Variants in THSD1 observed in about 807,000 individuals in gnomAD.
The protein encoded by THSD1 is thrombospondin type 1 domain containing 1.
THSD1 carries 34 observed loss-of-function variants against 46.3 expected under a neutral mutation model. The observed-to-expected ratio is 0.74, with a 90% confidence interval of 0.56 to 0.98. The LOEUF is 0.98. THSD1 is among the 50% of genes least tolerant of loss of function. The probability of loss-of-function intolerance (pLI) is 0.00; values close to 1 mark genes in which losing one functional copy is unlikely to be tolerated. For missense variants in THSD1, 1,023 were observed against 1,058.3 expected, an observed-to-expected ratio of 0.97 and a Z score of 0.46; for synonymous variants, 407 against 416.5, an observed-to-expected ratio of 0.98 and a Z score of 0.28.
At chr13:52,391,358 C>T (rs1378001062) in intron 3 of THSD1, among the ~76,000 whole-genome samples, 1 of 151,550 alleles carries the variant, frequency 6.6e-6, no homozygotes, top group Non-Finnish European at 1.5e-5. Context: ...GCTGGTACTA[C>T]AGGTGCATGG....
Position 52,378,620 on chromosome 13 carries a change from T to C in THSD1, c.1350A>G (p.Arg450=). ...GRPAKCSTPA[R]HNSIHSPSFR... ...AGCTGGGGGAGTGGATGGAGTTGTG[T>C]CGAGCAGGTGTGCTGCACTTGGCTG... Residue 450 remains arginine, a synonymous_variant, in exon 5 of 5, where the codon CGA becomes CGG. Coordinates refer to ENST00000258613, the MANE Select transcript of THSD1 (RefSeq NM_018676.4). 6.2e-7 allele frequency: 1 copy of C among 1,614,062 alleles called. No homozygotes were observed. Among genetic ancestry groups the C allele is most frequent in the Non-Finnish European group, 8.5e-7 (1 of 1,180,020 alleles).
intron 2 of THSD1, among the ~76,000 whole-genome samples, chr13:52,401,482 G>A (rs1237758899): frequency 6.6e-6 from 1 of 151,572 alleles, no homozygotes; most frequent in Non-Finnish European, 1.5e-5. Context: ...TGTATTTTTA[G>A]TAGAGATGGG....
chr13:52,380,072 T>C (rs982330415), intron 4 of THSD1, among the ~76,000 whole-genome samples: 2 of 152,134 alleles, frequency 1.3e-5, no homozygotes, highest in Non-Finnish European at 2.9e-5. Context: ...CTCCCCTTCC[T>C]ACCTTCCATT....
intron 2 of THSD1, among the ~76,000 whole-genome samples, chr13:52,399,782 T>C (rs1009678514): frequency 2.0e-5 from 3 of 152,136 alleles, no homozygotes; most frequent in African/African-American, 7.2e-5. Context: ...TTGAGGAAGG[T>C]GGCTGATTCT....
chr13:52,405,660 C>G lies in THSD1; in HGVS notation c.-82+371G>C, dbSNP rs193078206. On this transcript the variant is annotated intron_variant, in intron 1 of 4. Transcript: ENST00000258613. ...AGCTTAAAGCCCTCCTTAATGAGGA[C>G]CGTCTTTAATTTAATTTAATCCTTG... Among the ~76,000 whole-genome samples the G allele has an allele frequency of 2.4e-3, 372 of 152,318 alleles. 3 individuals carry two copies. Among genetic ancestry groups the G allele is most frequent in the South Asian group, 4.8e-3 (23 of 4,828 alleles).
In THSD1 at chr13:52,402,650, G is replaced by A. The variant is rs115424367; in HGVS notation, c.-50C>T. 3.6e-5 allele frequency: 58 copies of A among 1,601,130 alleles called. No homozygotes were observed. Among genetic ancestry groups the A allele is most frequent in the South Asian group, 3.0e-4 (27 of 89,174 alleles). On this transcript the variant is annotated 5_prime_UTR_variant, in exon 2 of 5. In the 5' UTR this introduces an upstream ATG that the reference lacks. Transcript: ENST00000258613. ...TTAGTCTCCTCATGTCCTTTCTCAC[G>A]TCCAGATTGTGATTTTTTTCCCCAA...
chr13:52,404,979 CATAAT>C (rs1241440542), intron 1 of THSD1, among the ~76,000 whole-genome samples: 1 of 152,166 alleles, frequency 6.6e-6, no homozygotes, highest in African/African-American at 2.4e-5. Context: ...TAACATTAGT[CATAAT>C]ATGTCTCTTT....
chr13:52,377,626 C>A lies in THSD1; in HGVS notation c.2344G>T (p.Asp782Tyr). The change falls in exon 5 of 5, where the codon GAT becomes TAT. Residue 782 changes from aspartate to tyrosine, a missense_variant. Physicochemically the swap from Asp to Tyr is radical, Grantham distance 160. Transcript: ENST00000258613. The stretch of plus-strand genomic sequence containing the variant: ...AGAGAACTGACCCTCTGGTAGTTAT[C>A]TTTGGGGGATATGGGAGAAGACTGC... Reference protein sequence around the residue: ...RKQSSPISPKDNYQRVSSLSP... With the variant: ...RKQSSPISPKYNYQRVSSLSP... The A allele has an allele frequency of 6.2e-7, 1 of 1,609,776 alleles. No individual in the cohort carries two copies. Among genetic ancestry groups the A allele is most frequent in the Non-Finnish European group, 8.5e-7 (1 of 1,176,604 alleles).
chr13:52,398,332 G>T, intron 2 of THSD1, 138 bp from the exon 3 acceptor site: 1 of 1,337,524 alleles, frequency 7.5e-7, no homozygotes, highest in Non-Finnish European at 1.0e-6. Flanking sequence ...GTGCAGTGGC[G>T]CAATCACTGC....
Position 52,399,486 on chromosome 13 carries a change from T to G in THSD1, c.59-1292A>C, listed in dbSNP as rs192582631. Among the ~76,000 whole-genome samples, 30 of 152,298 alleles carry G rather than the reference T, an allele frequency of 2.0e-4. No homozygotes were observed. The East Asian group carries it at 4.8e-3, about 24-fold the overall frequency. ...TATATGTCCAAAGGGGCCCATGTGT[T>G]TTTTTGTTTGGGGTTGCAGTCTTTA... On this transcript the variant is annotated intron_variant, in intron 2 of 4. Transcript: ENST00000258613.
Position 52,402,669 on chromosome 13 carries a change from TC to T in THSD1, c.-70del. On this transcript the variant is annotated 5_prime_UTR_variant, in exon 2 of 5. Coordinates refer to ENST00000258613, the MANE Select transcript of THSD1 (RefSeq NM_018676.4). ...TCTCACGTCCAGATTGTGATTTTTT[TC>T]CCCAAAAACACCTGAAATTAGAACC... 6.3e-7 allele frequency: 1 copy of T among 1,593,958 alleles called. No homozygotes were observed. Among genetic ancestry groups the T allele is most frequent in the Non-Finnish European group, 8.6e-7 (1 of 1,168,768 alleles).
At chr13:52,381,286 C>T (rs1957689944) in intron 4 of THSD1, among the ~76,000 whole-genome samples, 1 of 152,170 alleles carries the variant, frequency 6.6e-6, no homozygotes, top group African/African-American at 2.4e-5. Flanking sequence ...AGAAGTCTGA[C>T]CCTAGACATG....
At chr13:52,398,330 G>A in intron 2 of THSD1, 136 bp from the exon 3 acceptor site, 1 of 1,362,000 alleles carries the variant, frequency 7.3e-7, no homozygotes, top group African/African-American at 1.5e-5. Flanking sequence ...GAGTGCAGTG[G>A]CGCAATCACT....
At chr13:52,385,455 G>C (rs967992125) in intron 4 of THSD1, among the ~76,000 whole-genome samples, 2 of 150,682 alleles carry the variant, frequency 1.3e-5, no homozygotes, top group Non-Finnish European at 3.0e-5. Context: ...ACGAGTATGT[G>C]CCTTGAAGAT....
At chr13:52,390,346 A>G (rs1282729552) in intron 3 of THSD1, among the ~76,000 whole-genome samples, 7 of 152,266 alleles carry the variant, frequency 4.6e-5, no homozygotes, top group African/African-American at 1.7e-4. Flanking sequence ...ATGCATTCTC[A>G]GGTGAGCCAA....
Position 52,377,768 on chromosome 13 carries a change from G to A in THSD1, c.2202C>T (p.Pro734=). Residue 734 remains proline (P), a synonymous_variant, in exon 5 of 5, where the codon CCC becomes CCT. Coordinates refer to ENST00000258613, the MANE Select transcript of THSD1 (RefSeq NM_018676.4). ...PLPKSYTLGQ[P]LRKPDLGDHQ... ...GATCCCCAAGGTCTGGTTTCCTCAA[G>A]GGCTGCCCCAAAGTGTAGGATTTAG... The A allele has an allele frequency of 1.2e-6, 2 of 1,614,154 alleles. No homozygotes were observed. The highest frequency in any genetic ancestry group is 1.7e-6 in the Non-Finnish European group (2 of 1,180,018).
chr13:52,389,551 A>T (rs1957758115), intron 3 of THSD1, among the ~76,000 whole-genome samples: 1 of 152,162 alleles, frequency 6.6e-6, no homozygotes, highest in South Asian at 2.1e-4. Flanking sequence ...AAGTAAAAAA[A>T]CGGAAGATAT....
intron 2 of THSD1, among the ~76,000 whole-genome samples, chr13:52,398,779 G>C (rs1297676536): frequency 6.6e-6 from 1 of 152,128 alleles, no homozygotes; most frequent in Non-Finnish European, 1.5e-5. Flanking sequence ...TAATTTTTAG[G>C]ATTAAAAACC....
intron 3 of THSD1, among the ~76,000 whole-genome samples, chr13:52,394,589 G>A (rs1288776361): frequency 2.6e-5 from 4 of 151,470 alleles, no homozygotes; most frequent in Admixed American, 2.6e-4. Flanking sequence ...ACTCCAGCCT[G>A]GGCAACAGAG....
Sources: gnomAD v4.1 joint callset for allele counts (sites outside exome capture counted in the v4.1 genomes callset) on GRCh38, gnomAD v4.1.1 for gene constraint, MANE v1.5 for transcripts, NCBI Gene and HGNC (gene_info 2026-07-23, HGNC 2026-07-21) for gene names.